The following YIPF2 variants were observed in gnomAD, a reference collection of about 807,000 sequenced individuals.
YIPF2 encodes protein YIPF2.
A neutral mutation model predicts 38.8 loss-of-function variants in YIPF2; 30 were observed. The ratio of observed to expected loss-of-function variants is 0.77; its 90% CI spans 0.58 to 1.05. The LOEUF (loss-of-function observed/expected upper bound fraction) is 1.05. Ranked by LOEUF, YIPF2 falls within the 50% of genes least tolerant of loss-of-function variation. YIPF2 has a pLI of 0.00. For missense variants in YIPF2, 401 were observed against 409.7 expected (o/e 0.98, Z 0.18); for synonymous variants, 194 against 183.8 (o/e 1.06, Z -0.45).
At position 10,925,868 on chromosome 19, in the gene YIPF2, T is replaced by A. The variant is rs2083415165; in HGVS notation, c.280-95A>T. 20 of 1,165,292 alleles carry A rather than the reference T, an allele frequency of 1.7e-5. No individual in the cohort carries two copies. In the South Asian group the frequency reaches 2.5e-4, roughly 14 times the overall value. The allele number at this position is 1,165,292 out of a possible 1,614,324, so 72.2% of individuals were successfully genotyped here. A position where few individuals can be genotyped will look rare whatever the true frequency, so the allele number is the denominator to read the frequency against. On this transcript the variant is annotated intron_variant, in intron 4 of 9. Transcript: ENST00000586748. ...CCCTGCTGACCTCCACCCTTCTCTT[T>A]CCATGCCCCACCTGAAAGAACTCAG...
rs867079738 is a variant in YIPF2, at chr19:10,922,997, G to C, written c.*197C>G. The C allele has an allele frequency of 3.5e-6, 1 of 283,538 alleles. No homozygotes were observed. Among genetic ancestry groups the C allele is most frequent in the Middle Eastern group, 1.1e-3 (1 of 918 alleles). The allele number at this position is 283,538 out of a possible 1,614,324, so 17.6% of individuals were successfully genotyped here. A position where few individuals can be genotyped will look rare whatever the true frequency, so the allele number is the denominator to read the frequency against. On this transcript the variant is annotated 3_prime_UTR_variant, in exon 10 of 10. Coordinates refer to ENST00000586748, the MANE Select transcript of YIPF2 (RefSeq NM_001321439.2). ...GCCCTGTCCCAAAGCTCCCTGCTCG[G>C]CTGCCCCTCGCCCGCCTTTATATAA...
In YIPF2 at chr19:10,923,128, G is replaced by A. The variant is rs758313649; in HGVS notation, c.*66C>T. 12 of 622,610 alleles carry A rather than the reference G, an allele frequency of 1.9e-5. No homozygotes were observed. Among genetic ancestry groups the A allele is most frequent in the South Asian group, 1.2e-4 (5 of 41,306 alleles). The allele number at this position is 622,610 out of a possible 1,614,324, so 38.6% of individuals were successfully genotyped here. ...GGTGTCAAAGGAGCCTTCAGTCATC[G>A]TCTGGGGGGCAGGACAGGCAGAGGG... On this transcript the variant is annotated 3_prime_UTR_variant, in exon 10 of 10. Coordinates refer to ENST00000586748, the MANE Select transcript of YIPF2 (RefSeq NM_001321439.2).
chr19:10,923,081 G>T lies in YIPF2; in HGVS notation c.*113C>A. On this transcript the variant is annotated 3_prime_UTR_variant, in exon 10 of 10. Transcript: ENST00000586748. Reference sequence around the variant, plus strand: ...GTGTTTGCTTTGTAAGAAAAGTCTGGAAAGTAGCAGAATCATCTCAAGGTG... The same window carrying T: ...GTGTTTGCTTTGTAAGAAAAGTCTGTAAAGTAGCAGAATCATCTCAAGGTG... 1.9e-6 allele frequency: 1 copy of T among 526,058 alleles called. No homozygotes were observed. Among genetic ancestry groups the T allele is most frequent in the Non-Finnish European group, 3.3e-6 (1 of 302,402 alleles). The allele number at this position is 526,058 out of a possible 1,614,324, so 32.6% of individuals were successfully genotyped here.
intron 4 of YIPF2, 43 bp from the exon 5 acceptor site, chr19:10,925,816 C>T: frequency 6.3e-7 from 1 of 1,598,112 alleles, no homozygotes; most frequent in South Asian, 1.1e-5. Context: ...CTGCCAGGAG[C>T]TTCTCCCTTG....
Position 10,927,583 on chromosome 19 carries a change from CCTGAGCATAACT to C in YIPF2, c.279+35_279+46del, listed in dbSNP as rs2083446250. The C allele has an allele frequency of 1.9e-6, 3 of 1,602,656 alleles. No homozygotes were observed. The East Asian group carries it at 6.7e-5, about 36-fold the overall frequency. On this transcript the variant is annotated intron_variant, in intron 4 of 9. Coordinates refer to ENST00000586748, the MANE Select transcript of YIPF2 (RefSeq NM_001321439.2). ...CTGCCCAGGGGAAGAGTGGCTGAACCCTGAGCATAACTCTGAGCCCCATCCCACCTGCCTCCC... is the reference window on the plus strand; with the variant it reads ...CTGCCCAGGGGAAGAGTGGCTGAACCCTGAGCCCCATCCCACCTGCCTCCC...
In YIPF2 at chr19:10,924,201, A is replaced by G. The variant is rs1157747456; in HGVS notation, c.368-9T>C. 1 of 1,607,818 alleles carries G rather than the reference A, an allele frequency of 6.2e-7. No individual in the cohort carries two copies. Among genetic ancestry groups the G allele is most frequent in the East Asian group, 2.2e-5 (1 of 44,848 alleles). On this transcript the variant is annotated splice_polypyrimidine_tract_variant and intron_variant, in intron 5 of 9. Transcript: ENST00000586748. The stretch of plus-strand genomic sequence containing the variant: ...ACAGATCCAGAAGGGGCCTGGGGGT[A>G]GGGGGCACAGTCAGGGTCCCGGGCC...
intron 2 of YIPF2, 35 bp from the exon 3 acceptor site, chr19:10,927,994 G>A (rs757998375): frequency 8.9e-6 from 14 of 1,581,850 alleles, no homozygotes; most frequent in Non-Finnish European, 1.2e-5. Flanking sequence ...ACGCACGTTT[G>A]AGGGGTGGAA....
intron 5 of YIPF2, 107 bp from the exon 6 acceptor site, chr19:10,924,299 T>C: frequency 9.7e-7 from 1 of 1,028,642 alleles, no homozygotes; most frequent in South Asian, 1.6e-5. Flanking sequence ...CCTAAGCACC[T>C]TGCCTGACTC....
At position 10,928,536 on chromosome 19, in the gene YIPF2, G is replaced by T; in HGVS notation, c.-56C>A. The T allele has an allele frequency of 8.0e-7, 1 of 1,245,788 alleles. No homozygotes were observed. Among genetic ancestry groups the T allele is most frequent in the Non-Finnish European group, 1.0e-6 (1 of 953,876 alleles). 77.2% of individuals were successfully genotyped at this position (1,245,788 alleles called of 1,614,324 possible). A position where few individuals can be genotyped will look rare whatever the true frequency, so the allele number is the denominator to read the frequency against. On this transcript the variant is annotated 5_prime_UTR_variant, in exon 1 of 10. Coordinates refer to ENST00000586748, the MANE Select transcript of YIPF2 (RefSeq NM_001321439.2). Reference sequence around the variant, plus strand: ...CTGGCGACCAACTGCACCCACGGAGGCTTGAACTCGTCGTCCCGTCCCCAC... The same window carrying T: ...CTGGCGACCAACTGCACCCACGGAGTCTTGAACTCGTCGTCCCGTCCCCAC...
Position 10,923,568 on chromosome 19 carries a change from T to A in YIPF2, c.761A>T (p.Asp254Val). ...VFTLWPVVREDTRLVATVLLS... is the reference protein window; with the variant it reads ...VFTLWPVVREVTRLVATVLLS... Reference sequence around the variant, plus strand: ...CAGCACTGTGGCCACCAGCCTGGTGTCCTCACGGACCACGGGCCAGAGGGT... The same window carrying A: ...CAGCACTGTGGCCACCAGCCTGGTGACCTCACGGACCACGGGCCAGAGGGT... The change falls in exon 8 of 10, where the codon GAC becomes GTC. Residue 254 changes from aspartate (D) to valine (V), a missense_variant. Physicochemically the swap from Asp to Val is radical, Grantham distance 152 (BLOSUM62 -3). Coordinates refer to ENST00000586748, the MANE Select transcript of YIPF2 (RefSeq NM_001321439.2). The A allele has an allele frequency of 3.1e-6, 5 of 1,612,734 alleles. No homozygotes were observed. The highest frequency in any genetic ancestry group is 4.2e-6 in the Non-Finnish European group (5 of 1,179,792).
Position 10,924,005 on chromosome 19 carries a change from G to A in YIPF2, c.485-6C>T, listed in dbSNP as rs148577538. 4.3e-6 allele frequency: 7 copies of A among 1,612,412 alleles called. No individual in the cohort carries two copies. Among genetic ancestry groups the A allele is most frequent in the Non-Finnish European group, 5.9e-6 (7 of 1,179,252 alleles). ...GCTGATGCCTGCCACGGTCACTGGG[G>A]GGGGCAAGGTGAGCAGTCACCCCCT... is the stretch of plus-strand genomic sequence containing the variant. On this transcript the variant is annotated splice_polypyrimidine_tract_variant and splice_region_variant and intron_variant, in intron 6 of 9. Coordinates refer to ENST00000586748, the MANE Select transcript of YIPF2 (RefSeq NM_001321439.2).
chr19:10,925,732 G>A lies in YIPF2; in HGVS notation c.321C>T (p.Gly107=). Residue 107 remains glycine, a synonymous_variant, in exon 5 of 10, where the codon GGC becomes GGT. Transcript: ENST00000586748. The stretch of plus-strand genomic sequence containing the variant: ...GCAGATGGTGCCGCACAAAGTTGTG[G>A]CCAGGCCGGGGCAGCAGTGAGCCTT... ...RIKGSLLPRP[G]HNFVRHHLRN... is the part of the protein sequence containing the mutation. 6.2e-7 allele frequency: 1 copy of A among 1,613,954 alleles called. No homozygotes were observed. Among genetic ancestry groups the A allele is most frequent in the South Asian group, 1.1e-5 (1 of 91,086 alleles).
chr19:10,923,461 C>T, intron 8 of YIPF2, 34 bp downstream of exon 8: 17 of 1,612,938 alleles, frequency 1.1e-5, no homozygotes, highest in Non-Finnish European at 1.4e-5. Flanking sequence ...CCCCTAGCCC[C>T]TCGGCCCCAC....
At position 10,923,894 on chromosome 19, in the gene YIPF2, T is replaced by C. The variant is rs2074316199; in HGVS notation, c.590A>G (p.Tyr197Cys). The C allele has an allele frequency of 6.2e-7, 1 of 1,613,216 alleles. No individual in the cohort carries two copies. The highest frequency in any genetic ancestry group is 8.5e-7 in the Non-Finnish European group (1 of 1,179,644). Residue 197 changes from tyrosine to cysteine, a missense_variant, in exon 7 of 10, where the codon TAC (tyrosine) becomes TGC (cysteine). Coordinates refer to ENST00000586748, the MANE Select transcript of YIPF2 (RefSeq NM_001321439.2). Reference protein sequence around the residue: ...RKGVQERMGPYTFLETVCIYG... With the variant: ...RKGVQERMGPCTFLETVCIYG... ...GATGCACACAGTCTCCAGGAAGGTG[T>C]AGGGCCCCATGCGCTCCTGGACACC...
At position 10,928,546 on chromosome 19, in the gene YIPF2, G is replaced by A; in HGVS notation, c.-66C>T. The A allele has an allele frequency of 2.5e-6, 3 of 1,189,068 alleles. No individual in the cohort carries two copies. The highest frequency in any genetic ancestry group is 2.2e-6 in the Non-Finnish European group (2 of 905,540). 73.7% of individuals were successfully genotyped at this position (1,189,068 alleles called of 1,614,324 possible). On this transcript the variant is annotated 5_prime_UTR_variant, in exon 1 of 10. In the 5' UTR this introduces an upstream ATG that the reference lacks. Transcript: ENST00000586748. Reference sequence around the variant, plus strand: ...ACTGCACCCACGGAGGCTTGAACTCGTCGTCCCGTCCCCACAGGTGCGCTC... The same window carrying A: ...ACTGCACCCACGGAGGCTTGAACTCATCGTCCCGTCCCCACAGGTGCGCTC...
chr19:10,925,905 CTTTTTT>C (rs1164644174), intron 4 of YIPF2, 132 bp from the exon 5 acceptor site: 135 of 434,118 alleles, frequency 3.1e-4, no homozygotes, highest in Middle Eastern at 7.1e-4. Flanking sequence ...CTTTCCCTCT[CTTTTTT>C]TTTTTTTTTT....
At chr19:10,924,446 C>T (rs2083386931) in intron 5 of YIPF2, among the ~76,000 whole-genome samples, 1 of 152,118 alleles carries the variant, frequency 6.6e-6, no homozygotes, top group Admixed American at 6.5e-5. Flanking sequence ...CCCCTGTCAC[C>T]TCCTCTTTGA....
chr19:10,923,600 C>G lies in YIPF2; in HGVS notation c.729G>C (p.Leu243=). The G allele has an allele frequency of 6.2e-7, 1 of 1,613,024 alleles. No homozygotes were observed. Among genetic ancestry groups the G allele is most frequent in the Non-Finnish European group, 8.5e-7 (1 of 1,179,726 alleles). ...GGACCACGGGCCAGAGGGTGAATAC[C>G]AGCCCGGCGGCTGACAGGCCCAGGG... The part of the protein sequence containing the change: ...ALALGLSAAG[L]VFTLWPVVRE... The change falls in exon 8 of 10, where the codon CTG becomes CTC. Residue 243 remains leucine, a synonymous_variant. Transcript: ENST00000586748.
intron 4 of YIPF2, among the ~76,000 whole-genome samples, chr19:10,926,228 CTT>C (rs900323730): frequency 1.5e-5 from 2 of 135,530 alleles, no homozygotes; most frequent in Non-Finnish European, 1.6e-5. Context: ...TTTTTTCCCT[CTT>C]TTTTTTTTTG....
Sources: allele counts gnomAD v4.1 joint callset (sites outside exome capture counted in the v4.1 genomes callset), GRCh38; gene constraint gnomAD v4.1.1; transcripts MANE v1.5; gene names NCBI Gene and HGNC (gene_info 2026-07-23, HGNC 2026-07-21).